The following LRRC4C variants were observed in gnomAD, a reference collection of about 807,000 sequenced individuals.
LRRC4C encodes leucine-rich repeat-containing protein 4C.
Under a neutral mutation model 33.6 loss-of-function variants are expected in LRRC4C, and 5 were observed. The observed-to-expected ratio is 0.15, with a 90% CI of 0.08 to 0.31. The LOEUF (loss-of-function observed/expected upper bound fraction) is 0.31, where lower values mean the gene tolerates loss of function less well. Among genes scored for constraint, LRRC4C ranks in the 10% least tolerant of loss-of-function variants. LRRC4C has a pLI of 1.00. For missense variants in LRRC4C, 560 were observed against 796.7 expected, an observed-to-expected ratio of 0.70 and a Z score of 3.58; for synonymous variants, 329 against 302.0, an observed-to-expected ratio of 1.09 and a Z score of -0.93.
intron 1 of LRRC4C, among the ~76,000 whole-genome samples, chr11:41,296,298 T>A (rs1193948745): frequency 6.7e-6 from 1 of 148,978 alleles, no homozygotes; most frequent in Non-Finnish European, 1.5e-5. Context: ...TTATTGCTGG[T>A]GACAAATTAT....
chr11:40,163,137 G>T (rs1445616522), intron 5 of LRRC4C, among the ~76,000 whole-genome samples: 1 of 152,120 alleles, frequency 6.6e-6, no homozygotes, highest in Non-Finnish European at 1.5e-5. Flanking sequence ...GCCATTGCTT[G>T]GAACGTTTCC....
At chr11:40,406,608 T>C (rs1049015486) in intron 3 of LRRC4C, among the ~76,000 whole-genome samples, 4 of 152,170 alleles carry the variant, frequency 2.6e-5, no homozygotes, top group African/African-American at 9.6e-5. Flanking sequence ...GTAGTGGTAC[T>C]ATATGTGATT....
chr11:40,979,097 A>G (rs1043677362), intron 1 of LRRC4C, among the ~76,000 whole-genome samples: 3 of 152,086 alleles, frequency 2.0e-5, no homozygotes, highest in East Asian at 1.9e-4. Context: ...CTATCCCTCA[A>G]TCTTACTTCT....
At chr11:40,267,617 C>T (rs1942376649) in intron 4 of LRRC4C, among the ~76,000 whole-genome samples, 1 of 152,136 alleles carries the variant, frequency 6.6e-6, no homozygotes, top group African/African-American at 2.4e-5. Flanking sequence ...TCCCAAAGTG[C>T]TGGGATTACA....
intron 1 of LRRC4C, among the ~76,000 whole-genome samples, chr11:40,952,849 A>AACAC (rs56684958): frequency 0.01 from 1,129 of 112,652 alleles, 11 homozygotes; most frequent in African/African-American, 0.019. Context: ...TCTATTTCCA[A>AACAC]ACACACACAC....
chr11:40,784,934 A>G lies in LRRC4C; in HGVS notation c.-406-136656T>C, dbSNP rs559243327. Among the ~76,000 whole-genome samples the G allele has an allele frequency of 6.6e-5, 10 of 152,306 alleles. No individual in the cohort carries two copies. In the South Asian group the frequency reaches 2.1e-3, roughly 32 times the overall value. On this transcript the variant is annotated intron_variant, in intron 2 of 6. Coordinates refer to ENST00000528697, the MANE Select transcript of LRRC4C (RefSeq NM_001258419.2). The stretch of plus-strand genomic sequence containing the variant: ...AAAGTATTAATAGAAAGGGAGGAAG[A>G]AAATGTGACTGTTTGGGACTTTTTC...
intron 3 of LRRC4C, among the ~76,000 whole-genome samples, chr11:40,354,767 GTGC>G (rs1048339077): frequency 6.6e-6 from 1 of 152,028 alleles, no homozygotes; most frequent in African/African-American, 2.4e-5. Flanking sequence ...GGGTTCAAAA[GTGC>G]TGCTCAGGAG....
intron 3 of LRRC4C, among the ~76,000 whole-genome samples, chr11:40,613,370 CT>C (rs1285413431): frequency 6.6e-6 from 1 of 151,816 alleles, no homozygotes; most frequent in East Asian, 1.9e-4. Context: ...TATATTCTAT[CT>C]CAAGAAACCA....
intron 1 of LRRC4C, among the ~76,000 whole-genome samples, chr11:41,359,456 G>A (rs1037761478): frequency 1.6e-4 from 25 of 152,090 alleles, no homozygotes; most frequent in Non-Finnish European, 3.7e-4. Flanking sequence ...GGGGGTACAT[G>A]GGACATCTCT....
intron 3 of LRRC4C, among the ~76,000 whole-genome samples, chr11:40,447,617 C>T (rs1369311316): frequency 6.6e-6 from 1 of 152,116 alleles, no homozygotes. Flanking sequence ...AAAGGTAAGA[C>T]TCAAGAAAAT....
At chr11:41,028,833 A>G (rs1590287274) in intron 1 of LRRC4C, among the ~76,000 whole-genome samples, 1 of 151,582 alleles carries the variant, frequency 6.6e-6, no homozygotes, top group Non-Finnish European at 1.5e-5. Flanking sequence ...CTGAAACAAG[A>G]TATTATTTTC....
rs151226939 is a variant in LRRC4C at position 40,717,869 on chromosome 11, T to C, written c.-406-69591A>G. 5.8e-3 allele frequency among the ~76,000 whole-genome samples: 891 copies of C among 152,320 alleles called. 8 individuals carry two copies. Among genetic ancestry groups the C allele is most frequent in the African/African-American group, 0.02 (830 of 41,576 alleles). ...ACATAAAGTATGAAGATATGTTCTA[T>C]ATTTCTGAAAATGCAAAGATGGCTT... is the stretch of plus-strand genomic sequence containing the variant. On this transcript the variant is annotated intron_variant, in intron 2 of 6. Coordinates refer to ENST00000528697, the MANE Select transcript of LRRC4C (RefSeq NM_001258419.2).
chr11:41,338,892 T>G (rs1280760373), intron 1 of LRRC4C, among the ~76,000 whole-genome samples: 1 of 152,020 alleles, frequency 6.6e-6, no homozygotes, highest in African/African-American at 2.4e-5. Flanking sequence ...AGATTCAGAT[T>G]TTTTTCTGTA....
At chr11:40,318,866 A>G (rs1356449560) in intron 4 of LRRC4C, among the ~76,000 whole-genome samples, 4 of 152,202 alleles carry the variant, frequency 2.6e-5, no homozygotes, top group Non-Finnish European at 5.9e-5. Context: ...TAGCACACAC[A>G]ACATGTCTAT....
At chr11:40,891,379 C>T (rs530695818) in intron 2 of LRRC4C, among the ~76,000 whole-genome samples, 6 of 152,258 alleles carry the variant, frequency 3.9e-5, no homozygotes, top group South Asian at 2.1e-4. Context: ...TTTAAAGAGA[C>T]ATTTCTGTTT....
At chr11:40,332,838 G>A (rs1946423287) in intron 3 of LRRC4C, among the ~76,000 whole-genome samples, 1 of 152,096 alleles carries the variant, frequency 6.6e-6, no homozygotes, top group South Asian at 2.1e-4. Flanking sequence ...GCCAAATAGA[G>A]TTTCCTTCAT....
chr11:41,094,971 C>T (rs1412865284), intron 1 of LRRC4C, among the ~76,000 whole-genome samples: 1 of 152,060 alleles, frequency 6.6e-6, no homozygotes. Context: ...CATCTGAGTG[C>T]ATTAAAAAAA....
At chr11:41,305,300 C>G (rs1591216225) in intron 1 of LRRC4C, among the ~76,000 whole-genome samples, 1 of 50,672 alleles carries the variant, frequency 2.0e-5, no homozygotes, top group African/African-American at 4.4e-5. Context: ...CCCCCCTGCC[C>G]GGCCAGCCGC....
intron 3 of LRRC4C, among the ~76,000 whole-genome samples, chr11:40,475,803 C>T (rs1953186454): frequency 6.6e-6 from 1 of 152,098 alleles, no homozygotes; most frequent in South Asian, 2.1e-4. Flanking sequence ...TAAGCCCCTC[C>T]TTTATAATAA....
Sources: allele counts gnomAD v4.1 joint callset (sites outside exome capture counted in the v4.1 genomes callset), GRCh38; gene constraint gnomAD v4.1.1; transcripts MANE v1.5; gene names NCBI Gene and HGNC (gene_info 2026-07-23, HGNC 2026-07-21).